TTC28: variants seen among roughly 807,000 people sequenced by gnomAD.
The protein encoded by TTC28 is tetratricopeptide repeat protein 28.
Under a neutral mutation model 198.0 loss-of-function variants are expected in TTC28, and 61 were observed. That is an observed-to-expected ratio of 0.31 (90% confidence interval 0.25 to 0.38). The LOEUF (loss-of-function observed/expected upper bound fraction) is 0.38, where lower values mean the gene tolerates loss of function less well. TTC28 is among the 10% of genes least tolerant of loss of function. The probability of loss-of-function intolerance (pLI) is 1.00; values close to 1 mark genes in which losing one functional copy is unlikely to be tolerated. For missense variants in TTC28, 2,678 were observed against 3,164.0 expected (o/e 0.85, Z 3.69); for synonymous variants, 1,171 against 1,297.8 (o/e 0.90, Z 2.10).
At chr22:28,621,917 G>A (rs1255744191) in intron 2 of TTC28, among the ~76,000 whole-genome samples, 1 of 152,152 alleles carries the variant, frequency 6.6e-6, no homozygotes, top group Non-Finnish European at 1.5e-5. Context: ...AACATCAAGA[G>A]AATCATTAAA....
chr22:28,641,055 G>C (rs2051356608), intron 1 of TTC28, among the ~76,000 whole-genome samples: 1 of 152,230 alleles, frequency 6.6e-6, no homozygotes, highest in South Asian at 2.1e-4. Context: ...GCCAGGCACA[G>C]TGGCTCACAT....
chr22:28,053,547 C>G (rs998131170), intron 12 of TTC28, among the ~76,000 whole-genome samples: 3 of 152,108 alleles, frequency 2.0e-5, no homozygotes, highest in Non-Finnish European at 2.9e-5. Context: ...TTAGATTTCT[C>G]CAGAGTTATT....
At chr22:28,230,515 C>G (rs1928721181) in intron 5 of TTC28, among the ~76,000 whole-genome samples, 1 of 152,132 alleles carries the variant, frequency 6.6e-6, no homozygotes, top group African/African-American at 2.4e-5. Flanking sequence ...AGAAAACAAC[C>G]CTTTTATTCT....
intron 6 of TTC28, 27 bp from the exon 7 acceptor site, chr22:28,108,430 T>A (rs966981499): frequency 8.5e-6 from 12 of 1,414,968 alleles, no homozygotes; most frequent in Non-Finnish European, 1.1e-5. Flanking sequence ...AAGAACAGAC[T>A]AAGACTGAAA....
chr22:28,242,254 C>G (rs933495233), intron 5 of TTC28, among the ~76,000 whole-genome samples: 2 of 152,080 alleles, frequency 1.3e-5, no homozygotes, highest in African/African-American at 4.8e-5. Context: ...TACACTTTAC[C>G]AAGAGTCTGT....
intron 2 of TTC28, among the ~76,000 whole-genome samples, chr22:28,477,492 TA>T (rs140989815): frequency 6.6e-6 from 1 of 151,954 alleles, no homozygotes; most frequent in Non-Finnish European, 1.5e-5. Flanking sequence ...AATTCTCTTT[TA>T]AAAAAAATAA....
intron 2 of TTC28, among the ~76,000 whole-genome samples, chr22:28,531,080 G>C (rs995212250): frequency 5.9e-5 from 9 of 152,094 alleles, no homozygotes; most frequent in African/African-American, 2.2e-4. Flanking sequence ...AATGTAAATG[G>C]ACTAAATGCT....
chr22:28,073,871 C>A (rs528076511), intron 12 of TTC28, among the ~76,000 whole-genome samples: 1 of 152,168 alleles, frequency 6.6e-6, no homozygotes, highest in Non-Finnish European at 1.5e-5. Flanking sequence ...AACAGAACCA[C>A]CCCAGTTTAC....
intron 2 of TTC28, among the ~76,000 whole-genome samples, chr22:28,584,880 T>C (rs1176175033): frequency 6.6e-6 from 1 of 152,194 alleles, no homozygotes; most frequent in Non-Finnish European, 1.5e-5. Context: ...AAAGTGCTCA[T>C]CAGATCTGAC....
chr22:28,210,856 C>T (rs938679334), intron 5 of TTC28, among the ~76,000 whole-genome samples: 24 of 151,764 alleles, frequency 1.6e-4, no homozygotes, highest in Admixed American at 3.3e-4. Flanking sequence ...AAAGTTGAAA[C>T]GAAGGAAAAA....
At chr22:28,456,816 C>T (rs2047867631) in intron 2 of TTC28, among the ~76,000 whole-genome samples, 1 of 152,158 alleles carries the variant, frequency 6.6e-6, no homozygotes, top group South Asian at 2.1e-4. Context: ...CCTCGTGATC[C>T]GCCCACCTCG....
intron 12 of TTC28, among the ~76,000 whole-genome samples, chr22:28,085,998 C>A (rs1041716814): frequency 6.6e-6 from 1 of 152,130 alleles, no homozygotes; most frequent in Non-Finnish European, 1.5e-5. Flanking sequence ...TACAGGAGCA[C>A]CCAGATTCAT....
At chr22:28,432,252 C>T (rs942126142) in intron 2 of TTC28, among the ~76,000 whole-genome samples, 5 of 151,574 alleles carry the variant, frequency 3.3e-5, no homozygotes, top group Non-Finnish European at 1.5e-5. Context: ...CGCCACTGCA[C>T]TCCAGCCTGG....
At chr22:28,059,687 A>T (rs557045945) in intron 12 of TTC28, among the ~76,000 whole-genome samples, 6 of 151,976 alleles carry the variant, frequency 3.9e-5, no homozygotes, top group Middle Eastern at 3.4e-3. Flanking sequence ...GTTTCTTTTT[A>T]ATTTTATCAA....
intron 12 of TTC28, among the ~76,000 whole-genome samples, chr22:28,034,317 G>A (rs942880395): frequency 1.3e-5 from 2 of 152,178 alleles, no homozygotes; most frequent in Admixed American, 1.3e-4. Flanking sequence ...GGACTGGCAA[G>A]CTAGGGAGGC....
At chr22:28,180,481 T>A (rs1923593000) in intron 5 of TTC28, among the ~76,000 whole-genome samples, 2 of 152,136 alleles carry the variant, frequency 1.3e-5, no homozygotes. Context: ...TTTGAAGCGA[T>A]CACGTTTACT....
rs1163750806 is a variant in TTC28 at position 28,096,268 on chromosome 22, T to G, written c.3688A>C (p.Asn1230His). The G allele has an allele frequency of 6.4e-7, 1 of 1,551,652 alleles. No individual in the cohort carries two copies. The highest frequency in any genetic ancestry group is 8.7e-7 in the Non-Finnish European group (1 of 1,146,970). The change falls in exon 11 of 23, where the codon AAT (asparagine) becomes CAT (histidine). Residue 1230 changes from asparagine to histidine, a missense_variant. Asn to His is a moderately conservative substitution (Grantham distance 68). Coordinates refer to ENST00000397906, the MANE Select transcript of TTC28 (RefSeq NM_001145418.2). ...VTIDQILEMVNGQRGLVLYYS... is the reference protein window; with the variant it reads ...VTIDQILEMVHGQRGLVLYYS... Reference sequence around the variant, plus strand: ...TAAAGCACTAGTCCCCTCTGGCCATTTACCATCTCTAAGATCTGATCAATA... The same window carrying G: ...TAAAGCACTAGTCCCCTCTGGCCATGTACCATCTCTAAGATCTGATCAATA...
intron 12 of TTC28, among the ~76,000 whole-genome samples, chr22:28,042,820 A>G (rs1472080805): frequency 6.6e-6 from 1 of 152,214 alleles, no homozygotes; most frequent in East Asian, 1.9e-4. Context: ...ATAGGAGAAG[A>G]ACCCAAGAAA....
At chr22:27,998,465 G>A in intron 16 of TTC28, 75 bp downstream of exon 16, 2 of 1,478,534 alleles carry the variant, frequency 1.4e-6, no homozygotes, top group South Asian at 1.4e-5. Flanking sequence ...AACCCCACTG[G>A]CAGAATAAAG....
Sources: gnomAD v4.1 joint callset for allele counts (sites outside exome capture counted in the v4.1 genomes callset) on GRCh38, gnomAD v4.1.1 for gene constraint, MANE v1.5 for transcripts, NCBI Gene and HGNC (gene_info 2026-07-23, HGNC 2026-07-21) for gene names.